Variants in PDE1C observed in about 807,000 individuals in gnomAD.
The protein encoded by PDE1C is phosphodiesterase 1C.
PDE1C carries 62 observed loss-of-function variants against 93.1 expected under a neutral mutation model. That is an observed-to-expected ratio of 0.67 (90% CI 0.54 to 0.82). The LOEUF is 0.82. PDE1C is among the 40% of genes least tolerant of loss of function. PDE1C has a pLI of 0.00. For synonymous variants in PDE1C, 325 were observed against 310.1 expected, an observed-to-expected ratio of 1.05 and a Z score of -0.50; for missense variants, 742 against 884.6, an observed-to-expected ratio of 0.84 and a Z score of 2.04.
the PDE1C span, among the ~76,000 whole-genome samples, chr7:31,745,574 C>A: frequency 1.3e-5 from 2 of 152,118 alleles, no homozygotes; most frequent in Non-Finnish European, 2.9e-5. Flanking sequence ...AGATCAGGGA[C>A]CAAGTCCCAG....
At chr7:32,223,273 T>C (rs1393444766) in intron 1 of PDE1C, among the ~76,000 whole-genome samples, 1 of 152,236 alleles carries the variant, frequency 6.6e-6, no homozygotes, top group African/African-American at 2.4e-5. Context: ...AAGGGTCCAG[T>C]TGTAGTGGCC....
intron 2 of PDE1C, among the ~76,000 whole-genome samples, chr7:31,892,506 T>C (rs912043810): frequency 6.6e-6 from 1 of 152,224 alleles, no homozygotes; most frequent in African/African-American, 2.4e-5. Context: ...AAGCACGATT[T>C]GCATCTTCCC....
chr7:32,092,726 A>C (rs1370781932), intron 3 of PDE1C, among the ~76,000 whole-genome samples: 1 of 152,186 alleles, frequency 6.6e-6, no homozygotes, highest in East Asian at 1.9e-4. Context: ...AAAATACTAA[A>C]ATGGAAAAGC....
chr7:31,952,878 A>G (rs1367949307), intron 2 of PDE1C, among the ~76,000 whole-genome samples: 3 of 152,082 alleles, frequency 2.0e-5, no homozygotes, highest in South Asian at 2.1e-4. Flanking sequence ...GACAATGCCA[A>G]CCATCTAAGT....
intron 1 of PDE1C, among the ~76,000 whole-genome samples, chr7:32,310,831 C>T (rs1208379759): frequency 6.6e-6 from 1 of 151,904 alleles, no homozygotes; most frequent in East Asian, 1.9e-4. Flanking sequence ...CCTAACATCA[C>T]AATTAAAAGA....
At chr7:32,368,181 A>G (rs1784259925) in intron 1 of PDE1C, among the ~76,000 whole-genome samples, 1 of 152,206 alleles carries the variant, frequency 6.6e-6, no homozygotes, top group African/African-American at 2.4e-5. Flanking sequence ...CAAATTGTAA[A>G]GAAGGAAGTC....
At chr7:31,741,686 C>T in the PDE1C span, among the ~76,000 whole-genome samples, 1 of 152,272 alleles carries the variant, frequency 6.6e-6, no homozygotes, top group African/African-American at 2.4e-5. Context: ...TTTTGTCTTC[C>T]TTTTAGGCAG....
intron 1 of PDE1C, among the ~76,000 whole-genome samples, chr7:32,364,386 C>A (rs532548762): frequency 6.6e-6 from 1 of 152,238 alleles, no homozygotes; most frequent in East Asian, 1.9e-4. Context: ...CTAGAGTGTA[C>A]CTGTGGTAAC....
rs79291256 is a variant in PDE1C at position 31,897,849 on chromosome 7, T to C, written c.129-16989A>G. ...ACTTCTGCTCAAGACTACAAACCAA[T>C]GGGTTTTTTTAAATATATATATTTT... On this transcript the variant is annotated intron_variant, in intron 2 of 17. Transcript: ENST00000396191. 6.6e-5 allele frequency among the ~76,000 whole-genome samples: 10 copies of C among 152,278 alleles called. No homozygotes were observed. In the East Asian group the frequency reaches 7.7e-4, roughly 12 times the overall value.
At chr7:31,642,641 A>G in the PDE1C span, 1 of 1,570,322 alleles carries the variant, frequency 6.4e-7, no homozygotes, top group African/African-American at 1.4e-5. Flanking sequence ...TGCCTCCTCC[A>G]CTTCCTGACC....
chr7:32,313,354 A>G (rs914595331), intron 1 of PDE1C, among the ~76,000 whole-genome samples: 2 of 151,182 alleles, frequency 1.3e-5, no homozygotes, highest in Non-Finnish European at 3.0e-5. Flanking sequence ...GCAATTCCTC[A>G]GGGATCTAGA....
intron 2 of PDE1C, among the ~76,000 whole-genome samples, chr7:31,979,663 A>G (rs1812126608): frequency 6.6e-6 from 1 of 152,214 alleles, no homozygotes; most frequent in Non-Finnish European, 1.5e-5. Context: ...CAATTCCTAT[A>G]CTTACTAGCT....
intron 1 of PDE1C, among the ~76,000 whole-genome samples, chr7:32,276,128 T>C (rs533757372): frequency 3.3e-5 from 5 of 152,340 alleles, no homozygotes; most frequent in African/African-American, 1.2e-4. Context: ...ATAACTATTT[T>C]TGTTGATTAT....
intron 3 of PDE1C, among the ~76,000 whole-genome samples, chr7:32,141,448 T>C (rs1210677605): frequency 6.6e-6 from 1 of 152,224 alleles, no homozygotes; most frequent in African/African-American, 2.4e-5. Context: ...CAAAGTGAGT[T>C]AGTCATGTGG....
chr7:31,892,057 G>C (rs1798713781), intron 2 of PDE1C, among the ~76,000 whole-genome samples: 1 of 152,182 alleles, frequency 6.6e-6, no homozygotes, highest in African/African-American at 2.4e-5. Flanking sequence ...GTGGGACACA[G>C]TTATCCAGCT....
At chr7:31,711,637 TAATA>T in the PDE1C span, among the ~76,000 whole-genome samples, 3 of 152,206 alleles carry the variant, frequency 2.0e-5, no homozygotes, top group Non-Finnish European at 4.4e-5. Context: ...GTAAGTATAT[TAATA>T]AATATGTTCA....
intron 1 of PDE1C, among the ~76,000 whole-genome samples, chr7:32,337,813 A>G (rs1211901785): frequency 6.6e-6 from 1 of 152,132 alleles, no homozygotes; most frequent in Non-Finnish European, 1.5e-5. Flanking sequence ...AATGAGAAAA[A>G]AAGATGAAGG....
chr7:31,735,389 A>C, the PDE1C span, among the ~76,000 whole-genome samples: 1 of 143,242 alleles, frequency 7.0e-6, no homozygotes, highest in Admixed American at 7.1e-5. Context: ...CAAGAGTGAA[A>C]CTCTGTCTCA....
intron 2 of PDE1C, among the ~76,000 whole-genome samples, chr7:31,986,613 G>C (rs995995687): frequency 1.3e-5 from 2 of 152,098 alleles, no homozygotes; most frequent in African/African-American, 4.8e-5. Context: ...AGGGCACAGA[G>C]AGAAGGCCAT....
Sources: allele counts gnomAD v4.1 joint callset (sites outside exome capture counted in the v4.1 genomes callset), GRCh38; gene constraint gnomAD v4.1.1; transcripts MANE v1.5; gene names NCBI Gene and HGNC (gene_info 2026-07-23, HGNC 2026-07-21).